The following PLOD2 variants were observed in gnomAD, a reference collection of about 807,000 sequenced individuals.
PLOD2 encodes procollagen-lysine,2-oxoglutarate 5-dioxygenase 2.
A neutral mutation model predicts 101.0 loss-of-function variants in PLOD2; 65 were observed. The ratio of observed to expected loss-of-function variants is 0.64; its 90% CI spans 0.53 to 0.79. The LOEUF is 0.79. PLOD2 is among the 30% of genes least tolerant of loss of function. The probability of loss-of-function intolerance (pLI) is 0.00; values close to 1 mark genes in which losing one functional copy is unlikely to be tolerated. For missense variants in PLOD2, 909 were observed against 914.6 expected (o/e 0.99, Z 0.08); for synonymous variants, 314 against 302.9 (o/e 1.04, Z -0.38).
At chr3:146,148,812 A>G (rs945778870) in intron 1 of PLOD2, among the ~76,000 whole-genome samples, 6 of 152,192 alleles carry the variant, frequency 3.9e-5, no homozygotes, top group Non-Finnish European at 8.8e-5. Context: ...CTGAAACCAA[A>G]TAAAAAACAA....
chr3:146,076,440 T>C (rs2108000786), intron 15 of PLOD2: 2 of 184,382 alleles, frequency 1.1e-5, no homozygotes, highest in African/African-American at 4.8e-5. Context: ...GTCAAATGAC[T>C]TACTTTCTTT....
chr3:146,081,893 G>C, intron 11 of PLOD2, 30 bp from the exon 12 acceptor site: 1 of 1,591,134 alleles, frequency 6.3e-7, no homozygotes, highest in African/African-American at 1.3e-5. Flanking sequence ...GTGTGAGAGA[G>C]AGAAACCTAT....
intron 3 of PLOD2, among the ~76,000 whole-genome samples, chr3:146,113,799 T>A (rs1937760364): frequency 6.6e-6 from 1 of 152,140 alleles, no homozygotes; most frequent in South Asian, 2.1e-4. Flanking sequence ...AAGAACAGGA[T>A]AACAGCGATG....
At chr3:146,076,680 T>C (rs1936351314) in intron 15 of PLOD2, 102 bp downstream of exon 15, 1 of 673,954 alleles carries the variant, frequency 1.5e-6, no homozygotes, top group South Asian at 1.8e-5. Flanking sequence ...TCACCTTATG[T>C]CATTTTAAAA....
intron 7 of PLOD2, among the ~76,000 whole-genome samples, chr3:146,102,142 G>A (rs564018222): frequency 6.6e-6 from 1 of 152,230 alleles, no homozygotes; most frequent in East Asian, 1.9e-4. Context: ...TGTAAGCACA[G>A]TATTACTATA....
chr3:146,136,502 A>T (rs2031239860), intron 1 of PLOD2, among the ~76,000 whole-genome samples: 1 of 152,198 alleles, frequency 6.6e-6, no homozygotes, highest in Admixed American at 6.5e-5. Flanking sequence ...CACGAATTTC[A>T]TGTTGAGACT....
intron 2 of PLOD2, among the ~76,000 whole-genome samples, chr3:146,121,545 G>A (rs188717253): frequency 6.6e-6 from 1 of 152,042 alleles, no homozygotes; most frequent in Admixed American, 6.6e-5. Flanking sequence ...ATTCCTATTT[G>A]TTTAGACCAT....
At chr3:146,126,421 T>TA (rs2030562752) in intron 1 of PLOD2, among the ~76,000 whole-genome samples, 1 of 152,132 alleles carries the variant, frequency 6.6e-6, no homozygotes, top group Non-Finnish European at 1.5e-5. Context: ...TTCAACCATC[T>TA]CACCATTTAT....
At chr3:146,143,391 A>T (rs145797682) in intron 1 of PLOD2, among the ~76,000 whole-genome samples, 26 of 151,616 alleles carry the variant, frequency 1.7e-4, no homozygotes, top group African/African-American at 6.0e-4. Context: ...TTAAGAATAA[A>T]ATTTGGAGTC....
intron 1 of PLOD2, among the ~76,000 whole-genome samples, chr3:146,130,907 T>C (rs1409546015): frequency 1.3e-5 from 2 of 152,188 alleles, no homozygotes; most frequent in Non-Finnish European, 2.9e-5. Context: ...AAAAGTTGGA[T>C]TCCATATGGT....
intron 10 of PLOD2, chr3:146,086,565 T>A (rs1020668215): frequency 3.5e-5 from 10 of 287,748 alleles, no homozygotes; most frequent in Admixed American, 2.4e-4. Flanking sequence ...TGATTAAATA[T>A]GTGGACTCGT....
At chr3:146,071,980 C>T (rs755861506) in intron 17 of PLOD2, among the ~76,000 whole-genome samples, 7 of 151,692 alleles carry the variant, frequency 4.6e-5, no homozygotes, top group Non-Finnish European at 1.0e-4. Flanking sequence ...GGGACATAAC[C>T]GTGCAGAGGC....
chr3:146,121,010 C>T (rs759794972), intron 3 of PLOD2, 102 bp downstream of exon 3: 46 of 953,752 alleles, frequency 4.8e-5, no homozygotes, highest in Non-Finnish European at 7.1e-5. Flanking sequence ...CGTGAGCCAC[C>T]GTGCCCAACC....
At chr3:146,103,446 T>G (rs1576596240) in intron 6 of PLOD2, among the ~76,000 whole-genome samples, 1 of 151,748 alleles carries the variant, frequency 6.6e-6, no homozygotes, top group East Asian at 1.9e-4. Context: ...AACTAAACAT[T>G]TTGCATTGTG....
intron 1 of PLOD2, among the ~76,000 whole-genome samples, chr3:146,134,684 G>T (rs1478492232): frequency 6.6e-6 from 1 of 152,172 alleles, no homozygotes; most frequent in African/African-American, 2.4e-5. Context: ...ATGAAAAGGG[G>T]ATCAATAGTA....
Position 146,120,372 on chromosome 3 carries a change from A to T in PLOD2, c.338+740T>A, listed in dbSNP as rs144361412. ...TTTGTCAGATGAGTAGATTGCAAAA[A>T]TTTTCTCCCTTTCTGTATGGTGCTG... On this transcript the variant is annotated intron_variant, in intron 3 of 19. Transcript: ENST00000282903. Among the ~76,000 whole-genome samples the T allele has an allele frequency of 3.5e-4, 54 of 152,140 alleles. 1 individual carries two copies. Among genetic ancestry groups the T allele is most frequent in the Middle Eastern group, 3.4e-3 (1 of 292 alleles).
intron 1 of PLOD2, among the ~76,000 whole-genome samples, chr3:146,130,284 G>C (rs550726461): frequency 1.3e-5 from 2 of 152,258 alleles, no homozygotes; most frequent in East Asian, 1.9e-4. Flanking sequence ...TCCTTAGAGA[G>C]ACCCTCTCTG....
Position 146,160,916 on chromosome 3 carries a change from C to G in PLOD2, c.74G>C (p.Gly25Ala), listed in dbSNP as rs1346075416. Residue 25 changes from glycine to alanine, a missense_variant, in exon 1 of 20, where the codon GGT becomes GCT. Transcript: ENST00000282903. Reference protein sequence around the residue: ...LVLHPWNPCLGADSEKPSSIP... With the variant: ...LVLHPWNPCLAADSEKPSSIP... Reference sequence around the variant, plus strand: ...GCTCGAGGGCTTCTCCGAGTCCGCACCCAGACAGGGATTCCAGGGGTGGAG... The same window carrying G: ...GCTCGAGGGCTTCTCCGAGTCCGCAGCCAGACAGGGATTCCAGGGGTGGAG... 2 of 1,596,348 alleles carry G rather than the reference C, an allele frequency of 1.3e-6. No individual in the cohort carries two copies. Among genetic ancestry groups the G allele is most frequent in the South Asian group, 2.3e-5 (2 of 87,872 alleles).
chr3:146,152,171 C>A (rs1227958491), intron 1 of PLOD2, among the ~76,000 whole-genome samples: 1 of 152,170 alleles, frequency 6.6e-6, no homozygotes, highest in Non-Finnish European at 1.5e-5. Context: ...GTAATCCCAG[C>A]ACTTTGGGAG....
Sources: allele counts gnomAD v4.1 joint callset (sites outside exome capture counted in the v4.1 genomes callset), GRCh38; gene constraint gnomAD v4.1.1; transcripts MANE v1.5; gene names NCBI Gene and HGNC (gene_info 2026-07-23, HGNC 2026-07-21).